Variants in EEF1G observed in about 807,000 individuals in gnomAD.
EEF1G encodes the protein elongation factor 1-gamma.
A neutral mutation model predicts 58.3 loss-of-function variants in EEF1G; 14 were observed. The ratio of observed to expected loss-of-function variants is 0.24; its 90% CI spans 0.16 to 0.38. The LOEUF (loss-of-function observed/expected upper bound fraction) is 0.38. Ranked by LOEUF, EEF1G falls within the 10% of genes least tolerant of loss-of-function variation. The pLI is 1.00. For synonymous variants in EEF1G, 180 were observed against 206.8 expected, an observed-to-expected ratio of 0.87 and a Z score of 1.11; for missense variants, 322 against 550.1, an observed-to-expected ratio of 0.59 and a Z score of 4.15.
At position 62,559,820 on chromosome 11, in the gene EEF1G, C is replaced by A; in HGVS notation, c.1173G>T (p.Gln391His). Residue 391 changes from glutamine (Q) to histidine (H), a missense_variant, in exon 10 of 10, where the codon CAG (glutamine) becomes CAT (histidine). Physicochemically the swap from Gln to His is conservative, Grantham distance 24. This residue lies in a region of EEF1G where 208 missense variants were observed against 323.7 expected (regional missense o/e 0.64). Transcript: ENST00000329251. The stretch of plus-strand genomic sequence containing the variant: ...GCCATGTGTATGACTCGTAGTCCAC[C>A]TGCCAATCTGGACTCAGCTGGGGAT... ...ELAFPLSPDW[Q>H]VDYESYTWRK... The A allele has an allele frequency of 6.2e-7, 1 of 1,614,008 alleles. No individual in the cohort carries two copies. Among genetic ancestry groups the A allele is most frequent in the Non-Finnish European group, 8.5e-7 (1 of 1,179,908 alleles).
chr11:62,571,992 A>T (rs1039572866), intron 2 of EEF1G, 91 bp from the exon 3 acceptor site: 1 of 1,071,246 alleles, frequency 9.3e-7, no homozygotes, highest in African/African-American at 1.6e-5. Flanking sequence ...AAATACTTAT[A>T]TAAGGCTGAT....
chr11:62,566,736 GA>G (rs1941559561), intron 7 of EEF1G, 69 bp downstream of exon 7: 1 of 1,421,202 alleles, frequency 7.0e-7, no homozygotes, highest in Admixed American at 1.9e-5. Flanking sequence ...AGCTGTGTGT[GA>G]GGGGGGACAT....
At chr11:62,562,961 G>A (rs960763386) in intron 7 of EEF1G, among the ~76,000 whole-genome samples, 2 of 151,726 alleles carry the variant, frequency 1.3e-5, no homozygotes, top group South Asian at 2.1e-4. Context: ...AAATTAGCTG[G>A]GAGCTGGGCA....
chr11:62,564,238 G>A (rs949594560), intron 7 of EEF1G, among the ~76,000 whole-genome samples: 4 of 152,144 alleles, frequency 2.6e-5, no homozygotes, highest in Non-Finnish European at 5.9e-5. Flanking sequence ...CAAGGCAGGC[G>A]GATTGCCTGA....
intron 7 of EEF1G, among the ~76,000 whole-genome samples, chr11:62,566,334 G>A (rs1005352844): frequency 1.3e-5 from 2 of 152,138 alleles, no homozygotes; most frequent in African/African-American, 2.4e-5. Context: ...CTTTTTCTTA[G>A]TGAGCAATTT....
intron 7 of EEF1G, among the ~76,000 whole-genome samples, chr11:62,566,427 GCGCGTGGCGCACCGCAAGGCT>G (rs538173760): frequency 5.5e-4 from 84 of 152,330 alleles, no homozygotes; most frequent in African/African-American, 1.9e-3. Context: ...GCACAGCCGG[GCGCGTGGCGCACCGCAAGGCT>G]CTCTGCACTT....
At position 62,559,913 on chromosome 11, in the gene EEF1G, A is replaced by G. The variant is rs1010458972; in HGVS notation, c.1156-76T>C. ...CCTGTGTTACTTCCAGCTCAAACACATGTCATCAGACCCCAGGTCTCCTGT... is the reference window on the plus strand; with the variant it reads ...CCTGTGTTACTTCCAGCTCAAACACGTGTCATCAGACCCCAGGTCTCCTGT... On this transcript the variant is annotated intron_variant, in intron 9 of 9. Transcript: ENST00000329251. The G allele has an allele frequency of 2.4e-5, 38 of 1,610,848 alleles. No individual in the cohort carries two copies. The African/African-American group carries it at 4.7e-4, about 20-fold the overall frequency.
At chr11:62,563,839 C>T (rs935486588) in intron 7 of EEF1G, among the ~76,000 whole-genome samples, 1 of 152,162 alleles carries the variant, frequency 6.6e-6, no homozygotes, top group Non-Finnish European at 1.5e-5. Context: ...ACCCTAGGTC[C>T]CAGGTTCCTT....
Position 62,568,856 on chromosome 11 carries a change from C to G in EEF1G, c.523-1328G>C, listed in dbSNP as rs187219857. On this transcript the variant is annotated intron_variant, in intron 5 of 9. Coordinates refer to ENST00000329251, the MANE Select transcript of EEF1G (RefSeq NM_001404.5). ...GGCATGGTTGCACATGCCCGTAATCCCAGCTACTCAGGAGGCTGAGGCAAG... is the reference window on the plus strand; with the variant it reads ...GGCATGGTTGCACATGCCCGTAATCGCAGCTACTCAGGAGGCTGAGGCAAG... 6.0e-3 allele frequency among the ~76,000 whole-genome samples: 919 copies of G among 152,104 alleles called. 9 individuals carry two copies. The highest frequency in any genetic ancestry group is 0.027 in the Middle Eastern group (8 of 294).
Position 62,568,121 on chromosome 11 carries a change from G to A in EEF1G, c.523-593C>T, listed in dbSNP as rs551114283. 1.1e-4 allele frequency among the ~76,000 whole-genome samples: 16 copies of A among 151,208 alleles called. No individual in the cohort carries two copies. The East Asian group carries it at 1.4e-3, about 13-fold the overall frequency. ...CGGGCAGCTGTAGTCCCAGCTACTC[G>A]GGACGCTAAGGCAGGAGAATGGCGT... On this transcript the variant is annotated intron_variant, in intron 5 of 9. Transcript: ENST00000329251.
chr11:62,571,085 T>C lies in EEF1G; in HGVS notation c.402A>G (p.Glu134=), dbSNP rs200137351. ...CCAGCAGCCCCAGAATTCGCCTCAC[T>C]TCCTCCTTTGCATTCTCAGTGGCCT... ...NKQATENAKE[E]VRRILGLLDA... The change falls in exon 5 of 10, where the codon GAA becomes GAG. Residue 134 remains glutamate, a synonymous_variant. Transcript: ENST00000329251. The C allele has an allele frequency of 6.8e-5, 109 of 1,613,840 alleles. No homozygotes were observed. In the African/African-American group the frequency reaches 1.4e-3, roughly 20 times the overall value.
At chr11:62,570,703 C>A (rs540463664) in intron 5 of EEF1G, among the ~76,000 whole-genome samples, 1 of 152,002 alleles carries the variant, frequency 6.6e-6, no homozygotes. Context: ...TATAGGTGTG[C>A]GCCACCACAC....
intron 5 of EEF1G, among the ~76,000 whole-genome samples, chr11:62,568,496 A>G (rs1055918416): frequency 2.0e-5 from 3 of 151,590 alleles, no homozygotes; most frequent in African/African-American, 7.3e-5. Flanking sequence ...CTGGCCTCCT[A>G]AAGTGCTGGG....
At chr11:62,563,369 C>A (rs1565260446) in intron 7 of EEF1G, among the ~76,000 whole-genome samples, 2 of 152,126 alleles carry the variant, frequency 1.3e-5, no homozygotes, top group East Asian at 3.9e-4. Context: ...ATCTCCTGAC[C>A]TCGTGATCCA....
intron 7 of EEF1G, among the ~76,000 whole-genome samples, chr11:62,565,238 T>G (rs2134292404): frequency 6.6e-6 from 1 of 151,928 alleles, no homozygotes; most frequent in South Asian, 2.1e-4. Context: ...TAATAAAAAA[T>G]TAGCTGGGTG....
chr11:62,567,509 C>A lies in EEF1G; in HGVS notation c.542G>T (p.Arg181Leu). The A allele has an allele frequency of 6.2e-7, 1 of 1,608,052 alleles. No homozygotes were observed. Among genetic ancestry groups the A allele is most frequent in the Non-Finnish European group, 8.5e-7 (1 of 1,177,008 alleles). The change falls in exon 6 of 10, where the codon CGC becomes CTC. Residue 181 changes from arginine (R) to leucine (L), a missense_variant. Transcript: ENST00000329251. Reference protein sequence around the residue: ...LYKQVLEPSFRQAFPNTNRWF... With the variant: ...LYKQVLEPSFLQAFPNTNRWF... ...GCGGTTGGTATTGGGAAAGGCCTGG[C>A]GGAAAGAAGGCTCTAGAACCTGCCA...
intron 5 of EEF1G, among the ~76,000 whole-genome samples, chr11:62,568,182 C>G (rs1344926574): frequency 1.3e-5 from 2 of 148,814 alleles, no homozygotes; most frequent in Non-Finnish European, 3.0e-5. Context: ...GAGCGGAGAT[C>G]GCGGCACTGC....
intron 1 of EEF1G, chr11:62,573,117 G>A (rs1170441230): frequency 1.2e-5 from 2 of 164,626 alleles, no homozygotes; most frequent in Admixed American, 6.2e-5. Context: ...TGATGGTTCC[G>A]AGCGCCTGCC....
intron 5 of EEF1G, 105 bp downstream of exon 5, chr11:62,570,860 C>G: frequency 6.7e-7 from 1 of 1,495,022 alleles, no homozygotes; most frequent in East Asian, 2.3e-5. Context: ...CCACCTCTAG[C>G]TGTTTTCCAA....
Sources: allele counts gnomAD v4.1 joint callset (sites outside exome capture counted in the v4.1 genomes callset), GRCh38; gene constraint gnomAD v4.1.1; regional missense constraint gnomAD v4.1.1; transcripts MANE v1.5; gene names NCBI Gene and HGNC (gene_info 2026-07-23, HGNC 2026-07-21).